VMA22: variants seen among roughly 807,000 people sequenced by gnomAD.
VMA22 encodes the protein vacuolar ATPase assembly protein VMA22.
chr2:130,342,213 T>A, the VMA22 span: 1 of 1,561,152 alleles, frequency 6.4e-7, no homozygotes, highest in Middle Eastern at 1.7e-4. Flanking sequence ...AGATCCTCCA[T>A]CAAGGGGCGT....
chr2:130,340,838 G>A, the VMA22 span: 9 of 1,573,154 alleles, frequency 5.7e-6, no homozygotes, highest in East Asian at 9.0e-5. Context: ...AGCCATGGCA[G>A]CAGTGCTCAA....
the VMA22 span, chr2:130,341,801 G>GGGCCCCCCCCCCCCCC: frequency 3.6e-6 from 5 of 1,378,110 alleles, no homozygotes; most frequent in East Asian, 2.5e-5. Context: ...CCTAGAACGC[G>GGGCCCCCCCCCCCCCC]CCCGCCCGCC....
At chr2:130,340,352 T>C in the VMA22 span, 1 of 174,060 alleles carries the variant, frequency 5.7e-6, no homozygotes, top group Non-Finnish European at 1.2e-5. Context: ...AGTTGCACCA[T>C]CCTCTGCTCA....
chr2:130,342,618 T>C, the VMA22 span: 8 of 470,554 alleles, frequency 1.7e-5, no homozygotes, highest in Non-Finnish European at 1.5e-5. Flanking sequence ...AAAACTGCAT[T>C]CTGCACGGCG....
At chr2:130,340,697 G>A in the VMA22 span, 1 of 601,978 alleles carries the variant, frequency 1.7e-6, no homozygotes, top group East Asian at 2.9e-5. Flanking sequence ...TTTGTTCCCT[G>A]CTGTATCCCC....
the VMA22 span, chr2:130,338,543 CAA>C: frequency 3.5e-4 from 54 of 152,308 alleles, no homozygotes; most frequent in African/African-American, 1.2e-3. Flanking sequence ...TATGGTAAGA[CAA>C]AGAGACAGGA....
At chr2:130,340,192 A>C in the VMA22 span, 1 of 161,326 alleles carries the variant, frequency 6.2e-6, no homozygotes, top group African/African-American at 2.4e-5. Flanking sequence ...TGGGGCTTCT[A>C]TTCTTAAAAC....
the VMA22 span, chr2:130,341,199 A>G: frequency 3.9e-6 from 3 of 778,782 alleles, no homozygotes; most frequent in Non-Finnish European, 6.0e-6. Context: ...CACAAAACAC[A>G]GCCTTTCCCC....
the VMA22 span, chr2:130,339,251 G>A: frequency 1.9e-6 from 3 of 1,601,138 alleles, no homozygotes; most frequent in African/African-American, 4.0e-5. Context: ...AAGGAGAGAA[G>A]GTCACCATGG....
chr2:130,342,117 C>A, the VMA22 span: 5 of 1,613,636 alleles, frequency 3.1e-6, no homozygotes, highest in Non-Finnish European at 3.4e-6. Flanking sequence ...GCAGGTCAAG[C>A]GCCGCCATGG....
the VMA22 span, chr2:130,341,448 T>G: frequency 1.7e-6 from 1 of 572,932 alleles, no homozygotes. Context: ...CTGACTGAAA[T>G]GTATGTGATT....
At chr2:130,342,442 C>T in the VMA22 span, 1 of 549,344 alleles carries the variant, frequency 1.8e-6, no homozygotes, top group Non-Finnish European at 3.2e-6. Context: ...ACTGTTGTGG[C>T]GATGGAAGAA....
chr2:130,339,313 G>T, the VMA22 span: 1 of 1,417,986 alleles, frequency 7.1e-7, no homozygotes. Context: ...CCCAGAAATT[G>T]GAAAGGCTTC....
chr2:130,341,829 A>C, the VMA22 span: 5 of 694,930 alleles, frequency 7.2e-6, no homozygotes, highest in African/African-American at 1.1e-4. Flanking sequence ...CCCAGCATGG[A>C]AGCTTCCTCA....
chr2:130,339,074 T>C, the VMA22 span: 1 of 1,438,158 alleles, frequency 7.0e-7, no homozygotes. Context: ...CACGTAGCCA[T>C]GTCGGAGAAC....
At chr2:130,341,843 G>C in the VMA22 span, 1 of 1,050,138 alleles carries the variant, frequency 9.5e-7, no homozygotes. Context: ...TTCCTCACCT[G>C]GCGTGGAGGC....
At chr2:130,340,908 C>T in the VMA22 span, 1 of 1,614,082 alleles carries the variant, frequency 6.2e-7, no homozygotes, top group South Asian at 1.1e-5. Flanking sequence ...GTCCACTCAC[C>T]ATCCCGGAAG....
chr2:130,341,678 G>C, the VMA22 span: 1 of 1,610,994 alleles, frequency 6.2e-7, no homozygotes. Flanking sequence ...TGCTTCGCGA[G>C]GCCCCACCTC....
At chr2:130,341,761 G>A in the VMA22 span, 44 of 1,610,554 alleles carry the variant, frequency 2.7e-5, no homozygotes, top group Non-Finnish European at 3.7e-5. Context: ...TGAAGGACGA[G>A]AAGGGAGGAT....
Sources: gnomAD v4.1 joint callset for allele counts on GRCh38, gnomAD v4.1.1 for gene constraint, MANE v1.5 for transcripts, NCBI Gene and HGNC (gene_info 2026-07-23, HGNC 2026-07-21) for gene names.